Variants in ULK4 observed in about 807,000 individuals in gnomAD.
The protein encoded by ULK4 is inactive serine/threonine-protein kinase ULK4.
A neutral mutation model predicts 160.6 loss-of-function variants in ULK4; 133 were observed. The observed-to-expected ratio is 0.83, with a 90% CI of 0.72 to 0.96. The LOEUF (loss-of-function observed/expected upper bound fraction) is 0.96. ULK4 is among the 40% of genes least tolerant of loss of function. The probability of loss-of-function intolerance (pLI) is 0.00; values close to 1 mark genes in which losing one functional copy is unlikely to be tolerated. For missense variants in ULK4, 1,580 were observed against 1,499.5 expected (o/e 1.05, Z -0.89); for synonymous variants, 534 against 539.8 (o/e 0.99, Z 0.15).
At chr3:41,960,422 G>A (rs1431532739) in intron 1 of ULK4, among the ~76,000 whole-genome samples, 1 of 151,550 alleles carries the variant, frequency 6.6e-6, no homozygotes, top group Non-Finnish European at 1.5e-5. Flanking sequence ...GTGTGCAGGG[G>A]CAAGATCTAG....
chr3:41,518,435 G>A (rs2085821352), intron 32 of ULK4, among the ~76,000 whole-genome samples: 1 of 152,114 alleles, frequency 6.6e-6, no homozygotes, highest in Admixed American at 6.6e-5. Context: ...CTTGACATTT[G>A]ACTAAAAGTC....
intron 19 of ULK4, among the ~76,000 whole-genome samples, chr3:41,802,494 T>A (rs1161513466): frequency 6.6e-6 from 1 of 152,132 alleles, no homozygotes. Flanking sequence ...AGATGAGGTC[T>A]CACTCTGTTG....
chr3:41,909,851 TC>T (rs1480687249), intron 11 of ULK4, among the ~76,000 whole-genome samples: 4 of 152,200 alleles, frequency 2.6e-5, no homozygotes, highest in Non-Finnish European at 5.9e-5. Context: ...TAAAACTATT[TC>T]TCTACGTTAA....
chr3:41,859,236 G>T, intron 17 of ULK4: 2 of 540,888 alleles, frequency 3.7e-6, no homozygotes, highest in South Asian at 1.5e-5. Flanking sequence ...GGCAACTAAT[G>T]ACCAAAATGG....
chr3:41,519,429 T>G (rs1430579056), intron 32 of ULK4, among the ~76,000 whole-genome samples: 1 of 152,238 alleles, frequency 6.6e-6, no homozygotes, highest in African/African-American at 2.4e-5. Context: ...AATCAGTCGC[T>G]AATTTCATTT....
chr3:41,349,464 C>T (rs1482661607), intron 35 of ULK4, among the ~76,000 whole-genome samples: 2 of 152,120 alleles, frequency 1.3e-5, no homozygotes, highest in African/African-American at 4.8e-5. Flanking sequence ...ACTTCTCTAC[C>T]CTCTAGTCTT....
chr3:41,824,600 C>T (rs916444085), intron 18 of ULK4, among the ~76,000 whole-genome samples: 2 of 152,152 alleles, frequency 1.3e-5, no homozygotes, highest in Non-Finnish European at 2.9e-5. Context: ...AACTGCAAGG[C>T]AGCAGCGATG....
chr3:41,689,595 A>C (rs1422781618), intron 27 of ULK4, among the ~76,000 whole-genome samples: 2 of 152,288 alleles, frequency 1.3e-5, no homozygotes, highest in African/African-American at 4.8e-5. Flanking sequence ...AATTTACAAG[A>C]AAAAAACAAA....
At position 41,905,692 on chromosome 3, in the gene ULK4, T is replaced by C. The variant is rs1195903534; in HGVS notation, c.1182+2153A>G. The stretch of plus-strand genomic sequence containing the variant: ...TGAATAAATATTTCTCCAAAGAAAA[T>C]AGACAAAATGGCCAATAAACACATA... On this transcript the variant is annotated intron_variant, in intron 12 of 36. Transcript: ENST00000301831. 6.6e-5 allele frequency among the ~76,000 whole-genome samples: 10 copies of C among 151,960 alleles called. No individual in the cohort carries two copies. In the East Asian group the frequency reaches 1.7e-3, roughly 26 times the overall value.
At position 41,775,706 on chromosome 3, in the gene ULK4, C is replaced by T. The variant is rs189592098; in HGVS notation, c.2193+13955G>A. ...GAGCCACCGCGCCCAGCCGACAACTCCTCTTTTTTTAAACATTGAAACAAC... is the reference window on the plus strand; with the variant it reads ...GAGCCACCGCGCCCAGCCGACAACTTCTCTTTTTTTAAACATTGAAACAAC... On this transcript the variant is annotated intron_variant, in intron 21 of 36. Coordinates refer to ENST00000301831, the MANE Select transcript of ULK4 (RefSeq NM_017886.4). 1.5e-4 allele frequency among the ~76,000 whole-genome samples: 23 copies of T among 150,826 alleles called. No homozygotes were observed. In the East Asian group the frequency reaches 2.5e-3, roughly 16 times the overall value.
chr3:41,762,655 C>CTTTTTTT (rs35695794), intron 21 of ULK4, among the ~76,000 whole-genome samples: 4 of 89,002 alleles, frequency 4.5e-5, no homozygotes, highest in Non-Finnish European at 6.4e-5. Context: ...AAGTGTTACA[C>CTTTTTTT]TTTTTTTTTT....
chr3:41,684,101 G>GA (rs1355327379), intron 27 of ULK4, among the ~76,000 whole-genome samples: 1 of 152,100 alleles, frequency 6.6e-6, no homozygotes, highest in Non-Finnish European at 1.5e-5. Context: ...CCAAAAAATG[G>GA]AAAAAAGATG....
At chr3:41,505,176 A>C (rs867640005) in intron 32 of ULK4, among the ~76,000 whole-genome samples, 1 of 152,212 alleles carries the variant, frequency 6.6e-6, no homozygotes, top group African/African-American at 2.4e-5. Flanking sequence ...AAAAGCGTAC[A>C]TAAGTGTGCA....
At chr3:41,491,485 C>A (rs1283134399) in intron 32 of ULK4, among the ~76,000 whole-genome samples, 1 of 151,880 alleles carries the variant, frequency 6.6e-6, no homozygotes, top group Non-Finnish European at 1.5e-5. Flanking sequence ...GGACTAAAAT[C>A]TACACAAAAA....
At position 41,463,166 on chromosome 3, in the gene ULK4, G is replaced by C. The variant is rs1203982957; in HGVS notation, c.3314C>G (p.Ala1105Gly). Residue 1105 changes from alanine to glycine, a missense_variant, in exon 33 of 37, where the codon GCT becomes GGT. By Grantham distance (60) the Ala-to-Gly change is moderately conservative. Transcript: ENST00000301831. Reference sequence around the variant, plus strand: ...ATCAAGCAGGGAAAAGAGCAGTGGAGCTGCCATCTCATTGTTGTTTTTATT... The same window carrying C: ...ATCAAGCAGGGAAAAGAGCAGTGGACCTGCCATCTCATTGTTGTTTTTATT... ...VDNKNNNEMA[A>G]PLLFSLLDIL... The C allele has an allele frequency of 6.2e-7, 1 of 1,613,756 alleles. No homozygotes were observed. Among genetic ancestry groups the C allele is most frequent in the African/African-American group, 1.3e-5 (1 of 75,008 alleles).
intron 30 of ULK4, among the ~76,000 whole-genome samples, chr3:41,633,615 A>G (rs1369520472): frequency 6.6e-6 from 1 of 152,192 alleles, no homozygotes; most frequent in African/African-American, 2.4e-5. Context: ...TCAGGCAACA[A>G]TAAGGAGAAT....
At chr3:41,300,653 T>TC (rs2079766937) in intron 35 of ULK4, among the ~76,000 whole-genome samples, 1 of 151,480 alleles carries the variant, frequency 6.6e-6, no homozygotes. Flanking sequence ...CCTGTACCCT[T>TC]CTACAGCACC....
At position 41,455,587 on chromosome 3, in the gene ULK4, C is replaced by G; in HGVS notation, c.3402G>C (p.Lys1134Asn). 1 of 1,613,810 alleles carries G rather than the reference C, an allele frequency of 6.2e-7. No homozygotes were observed. Among genetic ancestry groups the G allele is most frequent in the Non-Finnish European group, 8.5e-7 (1 of 1,179,882 alleles). The change falls in exon 34 of 37, where the codon AAG becomes AAC. Residue 1134 changes from lysine (K) to asparagine (N), a missense_variant. Coordinates refer to ENST00000301831, the MANE Select transcript of ULK4 (RefSeq NM_017886.4). ...GIVRLALQAQ[K>N]SGSGEDPQAA... ...CCTGAGGGTCCTCTCCTGAGCCAGACTTCTGGGCCTGGAACAGAGAGAAGA... is the reference window on the plus strand; with the variant it reads ...CCTGAGGGTCCTCTCCTGAGCCAGAGTTCTGGGCCTGGAACAGAGAGAAGA...
intron 35 of ULK4, among the ~76,000 whole-genome samples, chr3:41,321,157 G>A (rs1159466215): frequency 1.3e-5 from 2 of 152,026 alleles, no homozygotes; most frequent in Admixed American, 6.5e-5. Context: ...AACGACCTCA[G>A]GGGGCCCCTT....
Sources: allele counts gnomAD v4.1 joint callset (sites outside exome capture counted in the v4.1 genomes callset), GRCh38; gene constraint gnomAD v4.1.1; transcripts MANE v1.5; gene names NCBI Gene and HGNC (gene_info 2026-07-23, HGNC 2026-07-21).